FARP1: variants seen among roughly 807,000 people sequenced by gnomAD.
FARP1 encodes the protein FERM, ARH/RhoGEF and pleckstrin domain protein 1.
In FARP1, 52 loss-of-function variants were observed where a neutral mutation model predicts 128.8. The ratio of observed to expected loss-of-function variants is 0.40; its 90% CI spans 0.32 to 0.51. FARP1 has a LOEUF of 0.51. Among genes scored for constraint, FARP1 ranks in the 20% least tolerant of loss-of-function variants. The pLI is 0.45. For missense variants in FARP1, 1,333 were observed against 1,367.9 expected (o/e 0.97, Z 0.40); for synonymous variants, 580 against 551.8 (o/e 1.05, Z -0.72).
Position 98,438,792 on chromosome 13 carries a change from T to G in FARP1, c.2275-12T>G. 2.5e-6 allele frequency: 4 copies of G among 1,611,262 alleles called. No homozygotes were observed. The highest frequency in any genetic ancestry group is 3.4e-6 in the Non-Finnish European group (4 of 1,179,134). The stretch of plus-strand genomic sequence containing the variant: ...CGCTCGCAGCCAGCCCTCCGGTCTG[T>G]CTCCCCTGCAGGAGTTCATCCGTCT... On this transcript the variant is annotated splice_polypyrimidine_tract_variant and intron_variant, in intron 19 of 26. Transcript: ENST00000319562.
At chr13:98,420,465 T>G (rs1891552696) in intron 16 of FARP1, among the ~76,000 whole-genome samples, 1 of 152,138 alleles carries the variant, frequency 6.6e-6, no homozygotes, top group South Asian at 2.1e-4. Flanking sequence ...CCAGCTCACG[T>G]TGTGGTGAAC....
chr13:98,246,856 T>C (rs896591256), intron 2 of FARP1, among the ~76,000 whole-genome samples: 2 of 152,210 alleles, frequency 1.3e-5, no homozygotes, highest in African/African-American at 4.8e-5. Flanking sequence ...CTTGAGCCCA[T>C]GGATTCTGCC....
At chr13:98,371,005 C>T (rs1889301822) in intron 5 of FARP1, among the ~76,000 whole-genome samples, 1 of 152,140 alleles carries the variant, frequency 6.6e-6, no homozygotes, top group Non-Finnish European at 1.5e-5. Context: ...GTCTTGGTTT[C>T]TCAGGCTGGT....
At chr13:98,440,351 T>G (rs1863487624) in intron 23 of FARP1, 116 bp downstream of exon 23, 1 of 782,298 alleles carries the variant, frequency 1.3e-6, no homozygotes, top group Admixed American at 2.0e-5. Flanking sequence ...TACATTTGTG[T>G]TTAAAGCCAA....
intron 1 of FARP1, among the ~76,000 whole-genome samples, chr13:98,174,001 G>C (rs900767797): frequency 1.5e-4 from 23 of 152,308 alleles, no homozygotes; most frequent in African/African-American, 5.5e-4. Flanking sequence ...CCCAAGGAAT[G>C]TGTGCACTCC....
chr13:98,287,481 A>C (rs147524824), intron 2 of FARP1, among the ~76,000 whole-genome samples: 2 of 151,744 alleles, frequency 1.3e-5, no homozygotes, highest in Admixed American at 6.6e-5. Flanking sequence ...CGCCCATCTC[A>C]GCCTCCCAAA....
In FARP1 at chr13:98,428,908, ACACATGCACG is replaced by A. The variant is rs748961864; in HGVS notation, c.1906-2120_1906-2111del. Among the ~76,000 whole-genome samples the A allele has an allele frequency of 1.3e-3, 202 of 152,348 alleles. 1 individual carries two copies. The highest frequency in any genetic ancestry group is 4.0e-3 in the African/African-American group (167 of 41,574). ...GTGATAGCATCGCACAGAGCGACAC[ACACATGCACG>A]CACATGCACGCACACACATGCAAGA... On this transcript the variant is annotated intron_variant, in intron 17 of 26. Coordinates refer to ENST00000319562, the MANE Select transcript of FARP1 (RefSeq NM_005766.4).
At chr13:98,225,937 TC>T (rs1881735734) in intron 2 of FARP1, among the ~76,000 whole-genome samples, 1 of 152,032 alleles carries the variant, frequency 6.6e-6, no homozygotes, top group Non-Finnish European at 1.5e-5. Context: ...CTTGGGGAGG[TC>T]AGTGATGGTT....
intron 3 of FARP1, among the ~76,000 whole-genome samples, chr13:98,349,265 A>G (rs887781295): frequency 6.6e-6 from 1 of 152,218 alleles, no homozygotes; most frequent in African/African-American, 2.4e-5. Flanking sequence ...GATACTTTAC[A>G]ATGATGAGCC....
At chr13:98,217,980 G>T (rs1207987196) in intron 2 of FARP1, among the ~76,000 whole-genome samples, 3 of 152,152 alleles carry the variant, frequency 2.0e-5, no homozygotes, top group African/African-American at 7.2e-5. Flanking sequence ...GCGTGAAGGT[G>T]GGGCTGGGAT....
At chr13:98,444,324 G>C (rs1373479593) in intron 24 of FARP1, among the ~76,000 whole-genome samples, 3 of 152,048 alleles carry the variant, frequency 2.0e-5, no homozygotes, top group Admixed American at 6.5e-5. Flanking sequence ...GTTTGGACTT[G>C]TTGGGGGTGC....
chr13:98,445,813 C>CAAAT (rs1228283070), intron 24 of FARP1: 16 of 305,164 alleles, frequency 5.2e-5, no homozygotes, highest in African/African-American at 3.1e-4. Flanking sequence ...AGCCTATTTC[C>CAAAT]AAATAAGCCT....
chr13:98,272,374 C>G (rs1396078849), intron 2 of FARP1, among the ~76,000 whole-genome samples: 1 of 152,098 alleles, frequency 6.6e-6, no homozygotes, highest in Non-Finnish European at 1.5e-5. Context: ...CTTTTGCACG[C>G]TAATGGAAAG....
chr13:98,173,344 T>A (rs868127353), intron 1 of FARP1, among the ~76,000 whole-genome samples: 1 of 152,198 alleles, frequency 6.6e-6, no homozygotes, highest in African/African-American at 2.4e-5. Flanking sequence ...TAAAAACTCC[T>A]TAGAAGGAAT....
intron 3 of FARP1, among the ~76,000 whole-genome samples, chr13:98,344,559 A>G (rs1287370281): frequency 1.3e-5 from 2 of 152,120 alleles, no homozygotes; most frequent in Non-Finnish European, 2.9e-5. Flanking sequence ...TATTTCCTGG[A>G]GCACGGGAAA....
chr13:98,263,821 T>A (rs1042467708), intron 2 of FARP1, among the ~76,000 whole-genome samples: 1 of 152,222 alleles, frequency 6.6e-6, no homozygotes, highest in African/African-American at 2.4e-5. Flanking sequence ...TGTGACATCC[T>A]TCAATTGATT....
intron 1 of FARP1, among the ~76,000 whole-genome samples, chr13:98,201,461 C>T (rs975177157): frequency 1.1e-4 from 16 of 152,146 alleles, no homozygotes; most frequent in Admixed American, 2.0e-4. Flanking sequence ...AGAAACAGAA[C>T]GGCAAAAGCT....
At chr13:98,251,065 A>G (rs1287998041) in intron 2 of FARP1, among the ~76,000 whole-genome samples, 2 of 152,238 alleles carry the variant, frequency 1.3e-5, no homozygotes, top group African/African-American at 2.4e-5. Flanking sequence ...AAATATGTTT[A>G]TTCTTAGAAA....
intron 2 of FARP1, among the ~76,000 whole-genome samples, chr13:98,239,418 G>C (rs554762195): frequency 4.5e-4 from 69 of 152,260 alleles, no homozygotes; most frequent in Non-Finnish European, 9.6e-4. Context: ...TTACTGTTTT[G>C]CTTGATCAGC....
Sources: allele counts gnomAD v4.1 joint callset (sites outside exome capture counted in the v4.1 genomes callset), GRCh38; gene constraint gnomAD v4.1.1; transcripts MANE v1.5; gene names NCBI Gene and HGNC (gene_info 2026-07-23, HGNC 2026-07-21).